Variants in COL11A1 observed in about 807,000 individuals in gnomAD.
The protein encoded by COL11A1 is collagen type XI alpha 1 chain.
COL11A1 carries 74 observed loss-of-function variants against 265.2 expected under a neutral mutation model. That is an observed-to-expected ratio of 0.28 (90% CI 0.23 to 0.34). COL11A1 has a LOEUF of 0.34. COL11A1 is among the 10% of genes least tolerant of loss of function. The pLI is 1.00. For missense variants in COL11A1, 2,165 were observed against 2,263.6 expected, an observed-to-expected ratio of 0.96 and a Z score of 0.88; for synonymous variants, 816 against 727.6, an observed-to-expected ratio of 1.12 and a Z score of -1.96.
chr1:103,011,630 G>T (rs1430206150), intron 14 of COL11A1, among the ~76,000 whole-genome samples: 5 of 151,928 alleles, frequency 3.3e-5, no homozygotes, highest in African/African-American at 1.2e-4. Flanking sequence ...TAGTTTTGCT[G>T]CAAGTGTCTA....
chr1:102,912,160 C>A lies in COL11A1; in HGVS notation c.4085G>T (p.Arg1362Leu). The A allele has an allele frequency of 1.9e-6, 3 of 1,609,504 alleles. No individual in the cohort carries two copies. The highest frequency in any genetic ancestry group is 2.5e-6 in the Non-Finnish European group (3 of 1,177,720). ...AAATAAAGAATTAAAGAAACTTACT[C>A]GTTTTCCAGGAGGACCTGGTGGGCC... is the stretch of plus-strand genomic sequence containing the variant. ...EAGPPGPPGKRGPPGAAGAEG... is the reference protein window; with the variant it reads ...EAGPPGPPGKLGPPGAAGAEG... Residue 1362 changes from arginine to leucine, a missense_variant and splice_region_variant, in exon 54 of 67, where the codon CGA becomes CTA. Arg to Leu is a moderately radical substitution (Grantham distance 102). Transcript: ENST00000370096.
At chr1:103,069,497 A>G (rs1671405392) in intron 4 of COL11A1, among the ~76,000 whole-genome samples, 1 of 151,870 alleles carries the variant, frequency 6.6e-6, no homozygotes, top group Non-Finnish European at 1.5e-5. Flanking sequence ...TCTTGGAGTA[A>G]AAGTTTCTTA....
At chr1:102,932,912 G>A (rs1489598076) in intron 46 of COL11A1, among the ~76,000 whole-genome samples, 2 of 150,320 alleles carry the variant, frequency 1.3e-5, no homozygotes, top group African/African-American at 2.4e-5. Flanking sequence ...CATTCTTCAC[G>A]TAGTTCTCGA....
intron 4 of COL11A1, among the ~76,000 whole-genome samples, chr1:103,039,459 C>G (rs1050760309): frequency 2.6e-4 from 40 of 152,062 alleles, no homozygotes; most frequent in African/African-American, 9.6e-4. Flanking sequence ...TTAAACGAAG[C>G]CACTAGTATG....
At position 103,088,347 on chromosome 1, in the gene COL11A1, GTT is replaced by G. The variant is rs67074206; in HGVS notation, c.107-5377_107-5376del. Among the ~76,000 whole-genome samples the G allele has an allele frequency of 8.4e-3, 1,266 of 151,392 alleles. 9 individuals carry two copies. The highest frequency in any genetic ancestry group is 0.028 in the African/African-American group (1,170 of 41,274). ...ATAACAAAAATATTTACTTCAAAGA[GTT>G]TTTTTTTGTCAGAACTAAATTGGTT... On this transcript the variant is annotated intron_variant, in intron 1 of 66. Transcript: ENST00000370096.
At position 102,967,227 on chromosome 1, in the gene COL11A1, C is replaced by CTTTTTTTTTTTT; in HGVS notation, c.2863-1699_2863-1688dup. On this transcript the variant is annotated intron_variant, in intron 37 of 66. Coordinates refer to ENST00000370096, the MANE Select transcript of COL11A1 (RefSeq NM_001854.4). The stretch of plus-strand genomic sequence containing the variant: ...CCCACAAAACCAAACATAATAAATT[C>CTTTTTTTTTTTT]TTTTTTTTTTTTTTTTTTTTTTTTT... 9.6e-3 allele frequency among the ~76,000 whole-genome samples: 509 copies of CTTTTTTTTTTTT among 52,760 alleles called. 188 individuals are homozygous for CTTTTTTTTTTTT. The highest frequency in any genetic ancestry group is 0.025 in the East Asian group (35 of 1,394). 34.6% of individuals were successfully genotyped at this position (52,760 alleles called of 152,430 possible).
intron 46 of COL11A1, among the ~76,000 whole-genome samples, chr1:102,927,060 T>G (rs1250585378): frequency 6.6e-6 from 1 of 152,214 alleles, no homozygotes; most frequent in Non-Finnish European, 1.5e-5. Flanking sequence ...TTCATTATAT[T>G]GTGTTCATGA....
In COL11A1 at chr1:102,889,558, T is replaced by C; in HGVS notation, c.4361A>G (p.His1454Arg). ...GDPGSKGEKGHPGLIGLIGPP... is the reference protein window; with the variant it reads ...GDPGSKGEKGRPGLIGLIGPP... ...ACCAATCAGGCCAATTAAACCAGGA[T>C]GTCCCTTTGAAAGGCAGAGAAAAAA... Residue 1454 changes from histidine to arginine, a missense_variant, in exon 59 of 67, where the codon CAT (histidine) becomes CGT (arginine). His to Arg is a conservative substitution (Grantham distance 29). Transcript: ENST00000370096. 1 of 1,612,222 alleles carries C rather than the reference T, an allele frequency of 6.2e-7. No homozygotes were observed. Among genetic ancestry groups the C allele is most frequent in the Admixed American group, 1.7e-5 (1 of 59,924 alleles).
chr1:102,922,112 TA>T (rs1469747216), intron 47 of COL11A1, among the ~76,000 whole-genome samples: 1 of 152,206 alleles, frequency 6.6e-6, no homozygotes, highest in African/African-American at 2.4e-5. Flanking sequence ...GAAAACTTTT[TA>T]TAAAATACTG....
rs1674883236 is a variant in COL11A1, at chr1:103,108,384, CCCCACCGGCCGGGA to C, written c.-220_-207del. ...GCCCTTTCCTCTCCCTCTGAGTTGG[CCCCACCGGCCGGGA>C]CCCTCCGGCCGCGACCCTCTGATCC... On this transcript the variant is annotated 5_prime_UTR_variant, in exon 1 of 67. Coordinates refer to ENST00000370096, the MANE Select transcript of COL11A1 (RefSeq NM_001854.4). 2 of 628,550 alleles carry C rather than the reference CCCCACCGGCCGGGA, an allele frequency of 3.2e-6. No homozygotes were observed. The highest frequency in any genetic ancestry group is 4.8e-5 in the Admixed American group (2 of 41,300). The allele number at this position is 628,550 out of a possible 1,614,324, so 38.9% of individuals were successfully genotyped here.
At chr1:102,991,850 T>C (rs34253876) in intron 28 of COL11A1, among the ~76,000 whole-genome samples, 4,611 of 135,382 alleles carry the variant, frequency 0.034, 266 homozygotes, top group African/African-American at 0.12. Context: ...TTTTTTTTTT[T>C]CAAGAGAAAG....
Position 102,887,126 on chromosome 1 carries a change from G to A in COL11A1, c.4609-70C>T. The A allele has an allele frequency of 1.9e-6, 3 of 1,590,206 alleles. No homozygotes were observed. The South Asian group carries it at 3.3e-5, about 18-fold the overall frequency. On this transcript the variant is annotated intron_variant, in intron 62 of 66. Transcript: ENST00000370096. ...TATTCTGCAGATATTAATTATTACT[G>A]GTTATGTTTTTGTTATAAGAAATTA...
chr1:103,011,213 CTACT>C (rs1350743990), intron 14 of COL11A1, among the ~76,000 whole-genome samples: 1 of 152,064 alleles, frequency 6.6e-6, no homozygotes, highest in East Asian at 1.9e-4. Flanking sequence ...CACTAACATA[CTACT>C]TACTTTCCTG....
At chr1:103,031,351 GA>G in intron 4 of COL11A1, 107 bp from the exon 5 acceptor site, 1 of 1,325,322 alleles carries the variant, frequency 7.5e-7, no homozygotes, top group Non-Finnish European at 1.0e-6. Flanking sequence ...ATTTGAAGAA[GA>G]AAAATGACCT....
chr1:102,945,599 T>C lies in COL11A1; in HGVS notation c.3276+1250A>G, dbSNP rs78195588. Among the ~76,000 whole-genome samples, 1,382 of 152,274 alleles carry C rather than the reference T, an allele frequency of 9.1e-3. 21 individuals carry two copies. Among genetic ancestry groups the C allele is most frequent in the African/African-American group, 0.032 (1,318 of 41,534 alleles). On this transcript the variant is annotated intron_variant, in intron 42 of 66. Coordinates refer to ENST00000370096, the MANE Select transcript of COL11A1 (RefSeq NM_001854.4). ...GCTTAAGCTTAATTTTATATATCAA[T>C]ACTTACCAGTATACAAAAATATTCA...
intron 39 of COL11A1, 39 bp downstream of exon 39, chr1:102,962,614 A>C: frequency 6.4e-7 from 1 of 1,557,330 alleles, no homozygotes; most frequent in Non-Finnish European, 8.9e-7. Flanking sequence ...CATAAATTAA[A>C]GTTTTGGGCC....
At position 102,962,199 on chromosome 1, in the gene COL11A1, C is replaced by T. The variant is rs1660977346; in HGVS notation, c.3091G>A (p.Glu1031Lys). Reference protein sequence around the residue: ...GPAGLRGFPGERGLPGAQGAP... With the variant: ...GPAGLRGFPGKRGLPGAQGAP... ...ACCTGAGCTCCAGGAAGACCTCTTTCCCCTGGGAAACCACGTAATCCTGCT... is the reference window on the plus strand; with the variant it reads ...ACCTGAGCTCCAGGAAGACCTCTTTTCCCTGGGAAACCACGTAATCCTGCT... The change falls in exon 40 of 67, where the codon GAA becomes AAA. Residue 1031 changes from glutamate (E) to lysine (K), a missense_variant. Coordinates refer to ENST00000370096, the MANE Select transcript of COL11A1 (RefSeq NM_001854.4). 2 of 1,613,262 alleles carry T rather than the reference C, an allele frequency of 1.2e-6. No individual in the cohort carries two copies. Among genetic ancestry groups the T allele is most frequent in the Non-Finnish European group, 1.7e-6 (2 of 1,179,314 alleles).
intron 46 of COL11A1, among the ~76,000 whole-genome samples, chr1:102,933,479 C>T (rs1292741147): frequency 6.6e-6 from 1 of 151,624 alleles, no homozygotes; most frequent in Non-Finnish European, 1.5e-5. Flanking sequence ...GCTGGGAGAA[C>T]CACTGCTCTC....
chr1:102,881,996 T>C (rs1460116093), intron 64 of COL11A1, among the ~76,000 whole-genome samples: 1 of 152,126 alleles, frequency 6.6e-6, no homozygotes, highest in African/African-American at 2.4e-5. Context: ...TTGTTGTCTT[T>C]ATCAGCTCTA....
Sources: gnomAD v4.1 joint callset for allele counts (sites outside exome capture counted in the v4.1 genomes callset) on GRCh38, gnomAD v4.1.1 for gene constraint, MANE v1.5 for transcripts, NCBI Gene and HGNC (gene_info 2026-07-23, HGNC 2026-07-21) for gene names.